The following IL1RL2 variants were observed in gnomAD, a reference collection of about 807,000 sequenced individuals.
The protein encoded by IL1RL2 is interleukin-1 receptor-like 2.
A neutral mutation model predicts 66.8 loss-of-function variants in IL1RL2; 68 were observed. That is an observed-to-expected ratio of 1.02 (90% CI 0.84 to 1.25). The LOEUF (loss-of-function observed/expected upper bound fraction) is 1.25, where lower values mean the gene tolerates loss of function less well. Among genes scored for constraint, IL1RL2 ranks in the 50% most tolerant of loss-of-function variants. The pLI, the probability that IL1RL2 is intolerant of heterozygous loss-of-function variation, is 0.00. For synonymous variants in IL1RL2, 305 were observed against 264.6 expected (o/e 1.15, Z -1.48); for missense variants, 729 against 709.3 (o/e 1.03, Z -0.32).
At chr2:102,197,894 C>A (rs1189138885) in intron 4 of IL1RL2, among the ~76,000 whole-genome samples, 1 of 152,224 alleles carries the variant, frequency 6.6e-6, no homozygotes, top group Admixed American at 6.5e-5. Flanking sequence ...TCCCCACTTT[C>A]CAGATTGTGG....
intron 6 of IL1RL2, among the ~76,000 whole-genome samples, chr2:102,212,913 G>A (rs958067291): frequency 3.3e-5 from 5 of 152,196 alleles, no homozygotes; most frequent in South Asian, 2.1e-4. Flanking sequence ...AGCTTGCAGT[G>A]AGCCGAGATC....
At chr2:102,187,429 G>A in intron 1 of IL1RL2, 1 of 1,086,466 alleles carries the variant, frequency 9.2e-7, no homozygotes, top group Non-Finnish European at 1.1e-6. Context: ...CGAGGACACA[G>A]GCGCGCAGGG....
intron 9 of IL1RL2, among the ~76,000 whole-genome samples, chr2:102,232,069 C>T: frequency 6.6e-6 from 1 of 150,672 alleles, no homozygotes; most frequent in Non-Finnish European, 1.5e-5. Flanking sequence ...GTCATCCAGG[C>T]TGGAGTGCAG....
chr2:102,219,796 A>G (rs1689937770), intron 7 of IL1RL2, 85 bp from the exon 8 acceptor site: 1 of 1,355,892 alleles, frequency 7.4e-7, no homozygotes, highest in African/African-American at 1.4e-5. Flanking sequence ...TCTCAAAGAA[A>G]ACACTTTATC....
At chr2:102,206,497 C>T (rs1210933808) in intron 5 of IL1RL2, among the ~76,000 whole-genome samples, 5 of 152,212 alleles carry the variant, frequency 3.3e-5, no homozygotes, top group Admixed American at 2.6e-4. Flanking sequence ...AGAGGTACCA[C>T]CTTGATGATC....
At chr2:102,203,140 G>C (rs1330992241) in intron 5 of IL1RL2, among the ~76,000 whole-genome samples, 1 of 152,178 alleles carries the variant, frequency 6.6e-6, no homozygotes, top group East Asian at 1.9e-4. Flanking sequence ...ATGACCATAT[G>C]GTTTTTAGCC....
chr2:102,238,219 CTT>C (rs905179715), intron 11 of IL1RL2, among the ~76,000 whole-genome samples: 1 of 152,012 alleles, frequency 6.6e-6, no homozygotes, highest in Non-Finnish European at 1.5e-5. Flanking sequence ...GCTGGGTTAC[CTT>C]TACATTCACC....
intron 9 of IL1RL2, among the ~76,000 whole-genome samples, chr2:102,229,083 C>A (rs1353139406): frequency 6.6e-6 from 1 of 152,160 alleles, no homozygotes; most frequent in Non-Finnish European, 1.5e-5. Context: ...CTGAATTTTC[C>A]ACTGTTCTGG....
chr2:102,189,300 T>C lies in IL1RL2; in HGVS notation c.283T>C (p.Cys95Arg), dbSNP rs758127997. The change falls in exon 3 of 12, where the codon TGT (cysteine) becomes CGT (arginine). Residue 95 changes from cysteine to arginine, a missense_variant. Coordinates refer to ENST00000264257, the MANE Select transcript of IL1RL2 (RefSeq NM_003854.4). ...MEWGDSGVYQ[C>R]VIKGRDSCHR... Reference sequence around the variant, plus strand: ...ATGGGGGGACTCAGGAGTCTACCAATGTGTTATAAAGTAAGTTCCTAATTT... The same window carrying C: ...ATGGGGGGACTCAGGAGTCTACCAACGTGTTATAAAGTAAGTTCCTAATTT... 1.2e-6 allele frequency: 2 copies of C among 1,603,168 alleles called. No individual in the cohort carries two copies. The highest frequency in any genetic ancestry group is 1.1e-5 in the South Asian group (1 of 90,602).
At chr2:102,200,739 G>A (rs571807215) in intron 4 of IL1RL2, among the ~76,000 whole-genome samples, 10 of 152,238 alleles carry the variant, frequency 6.6e-5, no homozygotes, top group Middle Eastern at 3.4e-3. Flanking sequence ...GAGAATGTGA[G>A]CCTAGGACAG....
intron 9 of IL1RL2, among the ~76,000 whole-genome samples, chr2:102,229,758 G>GA (rs1018495063): frequency 6.6e-6 from 1 of 151,884 alleles, no homozygotes; most frequent in Non-Finnish European, 1.5e-5. Flanking sequence ...CAGACAGAAA[G>GA]AAAAAAAAGA....
intron 9 of IL1RL2, among the ~76,000 whole-genome samples, chr2:102,228,032 A>G (rs1459965496): frequency 1.3e-5 from 2 of 152,192 alleles, no homozygotes; most frequent in Non-Finnish European, 2.9e-5. Context: ...TGAGACTGGG[A>G]CGCAGCCCAG....
intron 3 of IL1RL2, 99 bp downstream of exon 3, chr2:102,189,409 T>C (rs527651164): frequency 4.3e-6 from 3 of 698,304 alleles, no homozygotes; most frequent in Admixed American, 3.0e-5. Flanking sequence ...AGAAGAATTA[T>C]GTTGTTGTAT....
intron 4 of IL1RL2, among the ~76,000 whole-genome samples, chr2:102,195,057 C>T (rs1046143727): frequency 1.5e-4 from 23 of 152,162 alleles, no homozygotes; most frequent in African/African-American, 5.1e-4. Flanking sequence ...GTTGCAATAA[C>T]ATTTTATTTA....
chr2:102,236,856 A>G (rs1251710966), intron 11 of IL1RL2, among the ~76,000 whole-genome samples: 1 of 152,222 alleles, frequency 6.6e-6, no homozygotes, highest in African/African-American at 2.4e-5. Context: ...CATTTTTGAT[A>G]CTTTTCAATA....
In IL1RL2 at chr2:102,235,104, A is replaced by G. The variant is rs1189979635; in HGVS notation, c.1505A>G (p.Gln502Arg). The change falls in exon 11 of 12, where the codon CAG becomes CGG. Residue 502 changes from glutamine (Q) to arginine (R), a missense_variant. Physicochemically the swap from Gln to Arg is conservative, Grantham distance 43 (BLOSUM62 1). Transcript: ENST00000264257. ...EDYTVMPESI[Q>R]YIKQKHGAIR... ...TACACAGTCATGCCAGAGTCAATTC[A>G]GTACATCAAACAGAAGCATGGTGCC... 2 of 1,614,126 alleles carry G rather than the reference A, an allele frequency of 1.2e-6. No homozygotes were observed. The highest frequency in any genetic ancestry group is 1.7e-6 in the Non-Finnish European group (2 of 1,180,052).
chr2:102,232,134 A>G (rs1691193230), intron 9 of IL1RL2, among the ~76,000 whole-genome samples: 1 of 147,038 alleles, frequency 6.8e-6, no homozygotes, highest in African/African-American at 2.5e-5. Flanking sequence ...TTTCCGAGAC[A>G]GAGTTTTGCT....
Position 102,201,668 on chromosome 2 carries a change from A to G in IL1RL2, c.602A>G (p.His201Arg), listed in dbSNP as rs1473534807. Residue 201 changes from histidine (H) to arginine (R), a missense_variant, in exon 5 of 12, where the codon CAC becomes CGC. His to Arg is a conservative substitution (Grantham distance 29). Transcript: ENST00000264257. ...GNYACQAILT[H>R]SGKQYEVLNG... ...TACGCGTGTCAAGCCATACTGACAC[A>G]CTCAGGGAAGCAGTACGAGGTTTTA... is the stretch of plus-strand genomic sequence containing the variant. 7.4e-6 allele frequency: 12 copies of G among 1,613,956 alleles called. No individual in the cohort carries two copies. The highest frequency in any genetic ancestry group is 1.7e-5 in the Admixed American group (1 of 59,986).
chr2:102,238,762 C>T (rs1482452049), intron 11 of IL1RL2, among the ~76,000 whole-genome samples: 1 of 152,112 alleles, frequency 6.6e-6, no homozygotes, highest in East Asian at 1.9e-4. Flanking sequence ...ATGTTAGAGG[C>T]CACACATCTC....
Sources: gnomAD v4.1 joint callset for allele counts (sites outside exome capture counted in the v4.1 genomes callset) on GRCh38, gnomAD v4.1.1 for gene constraint, MANE v1.5 for transcripts, NCBI Gene and HGNC (gene_info 2026-07-23, HGNC 2026-07-21) for gene names.